DET1: variants seen among roughly 807,000 people sequenced by gnomAD.
The protein encoded by DET1 is DET1 partner of COP1 E3 ubiquitin ligase, also known as DET1 homolog.
DET1 carries 22 observed loss-of-function variants against 43.7 expected under a neutral mutation model. The observed-to-expected ratio is 0.50, with a 90% confidence interval of 0.36 to 0.72. The LOEUF (loss-of-function observed/expected upper bound fraction) is 0.72. Among genes scored for constraint, DET1 ranks in the 30% least tolerant of loss-of-function variants. The pLI is 0.00. For synonymous variants in DET1, 315 were observed against 266.2 expected, an observed-to-expected ratio of 1.18 and a Z score of -1.79; for missense variants, 713 against 713.3, an observed-to-expected ratio of 1.00 and a Z score of 0.00.
In DET1 at chr15:88,513,039, A is replaced by C; in HGVS notation, c.1565T>G (p.Phe522Cys). The change falls in exon 5 of 5, where the codon TTT becomes TGT. Residue 522 changes from phenylalanine to cysteine, a missense_variant. Coordinates refer to ENST00000268148, the MANE Select transcript of DET1 (RefSeq NM_001144074.3). ...HTVRRLVAFT[F>C]HPFEPFAISV... Reference sequence around the variant, plus strand: ...AATAGCGAAAGGCTCAAAAGGGTGAAAGGTGAAGGCAACAAGGCGTCGCAC... The same window carrying C: ...AATAGCGAAAGGCTCAAAAGGGTGACAGGTGAAGGCAACAAGGCGTCGCAC... The C allele has an allele frequency of 6.2e-7, 1 of 1,614,078 alleles. No individual in the cohort carries two copies. The highest frequency in any genetic ancestry group is 8.5e-7 in the Non-Finnish European group (1 of 1,179,904).
At chr15:88,508,330 T>C (rs1210219970), downstream of DET1, among the ~76,000 whole-genome samples, 1 of 152,214 alleles carries the variant, frequency 6.6e-6, no homozygotes, top group African/African-American at 2.4e-5. Context: ...GCCAAAAATG[T>C]TGGGGACTGC....
At chr15:88,523,784 C>T (rs866014544) in intron 3 of DET1, among the ~76,000 whole-genome samples, 7 of 152,300 alleles carry the variant, frequency 4.6e-5, no homozygotes, top group Middle Eastern at 3.4e-3. Context: ...GATCTCCGCT[C>T]GCTACAACCT....
chr15:88,511,106 T>G (rs2056195917), downstream of DET1, among the ~76,000 whole-genome samples: 1 of 152,144 alleles, frequency 6.6e-6, no homozygotes, highest in Non-Finnish European at 1.5e-5. Context: ...ATTAGAATCA[T>G]CATGCTTTGC....
Position 88,531,843 on chromosome 15 carries a change from G to T in DET1, c.-10-128C>A. The stretch of plus-strand genomic sequence containing the variant: ...AGGAGCTCCCAAGATGACAGTGACT[G>T]GCATTACTACTTCCCAGATTATACT... On this transcript the variant is annotated intron_variant, in intron 1 of 4. Transcript: ENST00000268148. The surrounding 1 kb of genome is among the most constrained non-coding windows in gnomAD (Gnocchi z 6.2). The T allele has an allele frequency of 1.1e-6, 1 of 871,390 alleles. No individual in the cohort carries two copies. The allele number at this position is 871,390 out of a possible 1,614,324, so 54.0% of individuals were successfully genotyped here.
intron 1 of DET1, among the ~76,000 whole-genome samples, chr15:88,543,236 G>C (rs980501377): frequency 1.3e-5 from 2 of 152,182 alleles, no homozygotes; most frequent in African/African-American, 4.8e-5. Flanking sequence ...TTATCTAAGA[G>C]GCTGGATCCT....
rs145676311 is a variant in DET1, at chr15:88,536,383, T to C, written c.-10-4668A>G. 1,227 of 770,732 alleles carry C rather than the reference T, an allele frequency of 1.6e-3. 15 individuals carry two copies. In the African/African-American group the frequency reaches 0.019, roughly 12 times the overall value. The allele number at this position is 770,732 out of a possible 1,614,324, so 47.7% of individuals were successfully genotyped here. ...AATTCCTTGCTGTATTCCCAGCACC[T>C]AGGAGAAGGGACAGTTAAGCGCTCA... On this transcript the variant is annotated intron_variant, in intron 1 of 4. Coordinates refer to ENST00000268148, the MANE Select transcript of DET1 (RefSeq NM_001144074.3).
chr15:88,522,890 T>C (rs1021986280), intron 3 of DET1, among the ~76,000 whole-genome samples: 14 of 151,342 alleles, frequency 9.3e-5, no homozygotes, highest in Admixed American at 2.0e-4. Context: ...CTTCTTCTTT[T>C]TTTTTTTTTG....
rs1209165252 is a variant in DET1, at chr15:88,530,852, T to C, written c.854A>G (p.Asn285Ser). ...VQRDSQTGMA[N>S]PFRDPFINSL... ...ATTGATGAAAGGATCCCTAAAGGGA[T>C]TGGCCATGCCTGTCTGACTGTCCCG... Residue 285 changes from asparagine to serine, a missense_variant, in exon 2 of 5, where the codon AAT (asparagine) becomes AGT (serine). Transcript: ENST00000268148. 6.2e-7 allele frequency: 1 copy of C among 1,613,986 alleles called. No individual in the cohort carries two copies. The highest frequency in any genetic ancestry group is 8.5e-7 in the Non-Finnish European group (1 of 1,179,876).
intron 3 of DET1, among the ~76,000 whole-genome samples, chr15:88,523,556 C>G (rs1309580358): frequency 1.3e-5 from 2 of 152,192 alleles, no homozygotes; most frequent in East Asian, 3.9e-4. Flanking sequence ...TCTCCTGCCT[C>G]AGTCTACCGA....
chr15:88,545,664 T>TCAATATAAG (rs56400610), intron 1 of DET1, among the ~76,000 whole-genome samples: 10 of 148,124 alleles, frequency 6.8e-5, no homozygotes, highest in African/African-American at 2.5e-4. Context: ...ATCTTAAGAC[T>TCAATATAAG]CCCCTTGTTA....
intron 1 of DET1, among the ~76,000 whole-genome samples, chr15:88,542,630 T>C (rs2057140051): frequency 6.6e-6 from 1 of 152,190 alleles, no homozygotes; most frequent in Admixed American, 6.5e-5. Flanking sequence ...CAGAAGGTTT[T>C]TGACAATCGA....
chr15:88,530,929 A>C lies in DET1; in HGVS notation c.777T>G (p.Phe259Leu). The C allele has an allele frequency of 6.2e-7, 1 of 1,614,026 alleles. No individual in the cohort carries two copies. Among genetic ancestry groups the C allele is most frequent in the South Asian group, 1.1e-5 (1 of 91,086 alleles). ...CAGTGAGCAGGTCATCCTCATAGCAAAAGCGGCCAATGGTCCGCACATCAA... is the reference window on the plus strand; with the variant it reads ...CAGTGAGCAGGTCATCCTCATAGCACAAGCGGCCAATGGTCCGCACATCAA... ...TFIDVRTIGR[F>L]CYEDDLLTVS... Residue 259 changes from phenylalanine to leucine, a missense_variant, in exon 2 of 5, where the codon TTT (phenylalanine) becomes TTG (leucine). Coordinates refer to ENST00000268148, the MANE Select transcript of DET1 (RefSeq NM_001144074.3).
At chr15:88,541,845 C>A (rs913471977) in intron 1 of DET1, among the ~76,000 whole-genome samples, 1 of 152,174 alleles carries the variant, frequency 6.6e-6, no homozygotes, top group Non-Finnish European at 1.5e-5. Flanking sequence ...CCCTGTTTTG[C>A]CTCCCTCTGA....
intron 1 of DET1, among the ~76,000 whole-genome samples, chr15:88,545,990 TG>T (rs2057243037): frequency 6.6e-6 from 1 of 151,578 alleles, no homozygotes; most frequent in Admixed American, 6.6e-5. Context: ...CCCCTGCACC[TG>T]GAACTGTTTA....
chr15:88,527,481 G>A (rs1269575941), intron 3 of DET1, 118 bp downstream of exon 3: 3 of 887,192 alleles, frequency 3.4e-6, no homozygotes, highest in African/African-American at 1.7e-5. Flanking sequence ...GTTATAATAA[G>A]CAGAATAACC....
At chr15:88,520,736 C>G (rs1949558353) in intron 3 of DET1, among the ~76,000 whole-genome samples, 1 of 152,238 alleles carries the variant, frequency 6.6e-6, no homozygotes, top group African/African-American at 2.4e-5. Flanking sequence ...TGCTACCACT[C>G]TGATCCAAGC....
downstream of DET1, among the ~76,000 whole-genome samples, chr15:88,508,431 T>C (rs1459049745): frequency 6.6e-6 from 1 of 152,186 alleles, no homozygotes; most frequent in African/African-American, 2.4e-5. Context: ...AAGCCAGAAA[T>C]TTTGGGTCTT....
intron 3 of DET1, among the ~76,000 whole-genome samples, chr15:88,522,568 G>A (rs1244958403): frequency 7.5e-6 from 1 of 133,364 alleles, no homozygotes; most frequent in Non-Finnish European, 1.5e-5. Flanking sequence ...CAGTGCAGTG[G>A]CGCAAATTCG....
rs2056794767 is a variant in DET1, at chr15:88,530,936, C to T, written c.770G>A (p.Gly257Asp). Reference sequence around the variant, plus strand: ...CAGGTCATCCTCATAGCAAAAGCGGCCAATGGTCCGCACATCAATGAAAGT... The same window carrying T: ...CAGGTCATCCTCATAGCAAAAGCGGTCAATGGTCCGCACATCAATGAAAGT... ...EGTFIDVRTI[G>D]RFCYEDDLLT... Residue 257 changes from glycine to aspartate, a missense_variant, in exon 2 of 5, where the codon GGC becomes GAC. Transcript: ENST00000268148. The T allele has an allele frequency of 8.1e-6, 13 of 1,613,890 alleles. No individual in the cohort carries two copies. Among genetic ancestry groups the T allele is most frequent in the African/African-American group, 2.7e-5 (2 of 74,914 alleles).
Sources: gnomAD v4.1 joint callset for allele counts (sites outside exome capture counted in the v4.1 genomes callset) on GRCh38, gnomAD v4.1.1 for gene constraint, Gnocchi (gnomAD v3.1) non-coding constraint, MANE v1.5 for transcripts, NCBI Gene and HGNC (gene_info 2026-07-23, HGNC 2026-07-21) for gene names.